Variants in CCPG1 observed in about 807,000 individuals in gnomAD.
CCPG1 encodes the protein cell cycle progression 1, also known as cell cycle progression protein 1.
CCPG1 carries 46 observed loss-of-function variants against 81.3 expected under a neutral mutation model. That is an observed-to-expected ratio of 0.57 (90% CI 0.45 to 0.72). The LOEUF (loss-of-function observed/expected upper bound fraction) is 0.72. Among genes scored for constraint, CCPG1 ranks in the 30% least tolerant of loss-of-function variants. CCPG1 has a pLI of 0.00. For synonymous variants in CCPG1, 330 were observed against 305.2 expected, an observed-to-expected ratio of 1.08 and a Z score of -0.85; for missense variants, 902 against 937.6, an observed-to-expected ratio of 0.96 and a Z score of 0.50.
intron 7 of CCPG1, among the ~76,000 whole-genome samples, chr15:55,364,636 A>G (rs931264995): frequency 4.0e-5 from 6 of 150,768 alleles, no homozygotes; most frequent in Non-Finnish European, 7.4e-5. Context: ...GCACTTTAGG[A>G]GACTGAGGTG....
At position 55,405,909 on chromosome 15, in the gene CCPG1, G is replaced by A. The variant is rs145018685; in HGVS notation, c.-10+2312C>T. 3.7e-3 allele frequency among the ~76,000 whole-genome samples: 570 copies of A among 152,320 alleles called. 3 individuals are homozygous for A. Among genetic ancestry groups the A allele is most frequent in the African/African-American group, 0.013 (556 of 41,570 alleles). ...TGAGACAGTCTCACTCTGTCACCCA[G>A]GCTAGAGTACAGTGGCATGATCTCG... is the stretch of plus-strand genomic sequence containing the variant. On this transcript the variant is annotated intron_variant, in intron 1 of 8. Coordinates refer to ENST00000442196, the MANE Select transcript of CCPG1 (RefSeq NM_001204450.2).
intron 1 of CCPG1, among the ~76,000 whole-genome samples, chr15:55,397,581 T>G (rs1051585632): frequency 7.2e-5 from 11 of 152,070 alleles, no homozygotes; most frequent in Admixed American, 2.0e-4. Flanking sequence ...CCTGATGTAT[T>G]GAATATGGGG....
At chr15:55,362,381 T>C (rs1443346422) in intron 7 of CCPG1, among the ~76,000 whole-genome samples, 1 of 151,288 alleles carries the variant, frequency 6.6e-6, no homozygotes, top group African/African-American at 2.4e-5. Context: ...GACACTAATA[T>C]ACACTTGAAA....
intron 3 of CCPG1, among the ~76,000 whole-genome samples, chr15:55,385,191 A>C (rs1408012374): frequency 6.6e-6 from 1 of 152,114 alleles, no homozygotes; most frequent in Non-Finnish European, 1.5e-5. Flanking sequence ...TTTTAAATGG[A>C]GTCTCACTCT....
At chr15:55,372,088 A>T in intron 5 of CCPG1, 44 bp from the exon 6 acceptor site, 1 of 1,573,696 alleles carries the variant, frequency 6.4e-7, no homozygotes, top group Non-Finnish European at 8.7e-7. Context: ...AAATCTTGGA[A>T]AAGCTTTCCC....
intron 8 of CCPG1, chr15:55,358,478 G>C: frequency 7.1e-6 from 7 of 985,410 alleles, no homozygotes; most frequent in South Asian, 9.4e-5. Context: ...TTCATGGTCT[G>C]CATCTCTTAT....
intron 3 of CCPG1, among the ~76,000 whole-genome samples, chr15:55,381,680 G>T (rs954995988): frequency 1.3e-5 from 2 of 152,162 alleles, no homozygotes; most frequent in Non-Finnish European, 1.5e-5. Flanking sequence ...TGTTCTGTAT[G>T]CATTTTACTG....
At chr15:55,378,057 T>C (rs1242798168) in intron 4 of CCPG1, among the ~76,000 whole-genome samples, 1 of 152,230 alleles carries the variant, frequency 6.6e-6, no homozygotes, top group Non-Finnish European at 1.5e-5. Context: ...AGTTTAATTT[T>C]TCAATATAAT....
rs1256623065 is a variant in CCPG1 at position 55,377,127 on chromosome 15, T to C, written c.276A>G (p.Glu92=). The C allele has an allele frequency of 1.9e-6, 3 of 1,612,632 alleles. No homozygotes were observed. Among genetic ancestry groups the C allele is most frequent in the East Asian group, 4.5e-5 (2 of 44,860 alleles). The change falls in exon 5 of 9, where the codon GAA becomes GAG. Residue 92 remains glutamate (E), a synonymous_variant. Transcript: ENST00000442196. ...TGGCAGTTCCAATATAGATACTGTC[T>C]TCGGGTATCTTTTGTTCCTCTGCCT... is the stretch of plus-strand genomic sequence containing the variant. ...TIEAEEQKIP[E]DSIYIGTASD...
intron 1 of CCPG1, among the ~76,000 whole-genome samples, chr15:55,402,086 T>C (rs753838408): frequency 4.6e-5 from 7 of 152,386 alleles, no homozygotes; most frequent in Non-Finnish European, 8.8e-5. Context: ...CCTGAATCTA[T>C]AGCACTTACT....
chr15:55,405,082 C>T (rs2057192137), intron 1 of CCPG1, among the ~76,000 whole-genome samples: 1 of 152,010 alleles, frequency 6.6e-6, no homozygotes, highest in Non-Finnish European at 1.5e-5. Context: ...AAAATTAGGT[C>T]AGGGGCAGTG....
Position 55,389,432 on chromosome 15 carries a change from G to C in CCPG1, c.-8C>G. 6.2e-7 allele frequency: 1 copy of C among 1,605,748 alleles called. No individual in the cohort carries two copies. The highest frequency in any genetic ancestry group is 1.1e-5 in the South Asian group (1 of 90,820). On this transcript the variant is annotated splice_region_variant and 5_prime_UTR_variant, in exon 2 of 9. Transcript: ENST00000442196. ...ACTGGAATTTTCAGACATCTTTCAG[G>C]TCTACAAATACAAAAACATATTGAC...
chr15:55,363,799 C>CTTTTTTTTTT (rs565044184), intron 7 of CCPG1, among the ~76,000 whole-genome samples: 50 of 93,934 alleles, frequency 5.3e-4, no homozygotes, highest in African/African-American at 1.5e-3. Flanking sequence ...TTTCCTTTTC[C>CTTTTTTTTTT]TTTTTTTTTT....
intron 6 of CCPG1, among the ~76,000 whole-genome samples, chr15:55,370,260 A>G (rs747857305): frequency 2.6e-5 from 4 of 152,328 alleles, no homozygotes; most frequent in African/African-American, 9.6e-5. Flanking sequence ...TAATTCTTCA[A>G]TCTTTGCATA....
intron 6 of CCPG1, among the ~76,000 whole-genome samples, chr15:55,367,159 A>T (rs181592197): frequency 8.5e-5 from 13 of 152,354 alleles, no homozygotes; most frequent in Non-Finnish European, 1.6e-4. Context: ...AAGCACGGCA[A>T]GCTTGTTTCA....
chr15:55,406,447 TTTGTTTTTTTTTTTTTG>T (rs2057224667), intron 1 of CCPG1, among the ~76,000 whole-genome samples: 1 of 132,588 alleles, frequency 7.5e-6, no homozygotes, highest in Non-Finnish European at 1.7e-5. Flanking sequence ...TTTTTTTTTT[TTTGTTTTTTTTTTTTTG>T]TTTTTTTGAG....
Position 55,355,355 on chromosome 15 carries a change from G to A in CCPG1, c.*865C>T, listed in dbSNP as rs1259418062. On this transcript the variant is annotated 3_prime_UTR_variant, in exon 9 of 9. Coordinates refer to ENST00000442196, the MANE Select transcript of CCPG1 (RefSeq NM_001204450.2). ...TGTTTTCTTCCACACTCACTTGCCAGAGGGTCGAATTGGAAGTCACATATA... is the reference window on the plus strand; with the variant it reads ...TGTTTTCTTCCACACTCACTTGCCAAAGGGTCGAATTGGAAGTCACATATA... 2 of 1,611,458 alleles carry A rather than the reference G, an allele frequency of 1.2e-6. No individual in the cohort carries two copies. The highest frequency in any genetic ancestry group is 1.7e-6 in the Non-Finnish European group (2 of 1,177,798).
chr15:55,379,463 G>A (rs980227550), intron 3 of CCPG1, among the ~76,000 whole-genome samples: 3 of 152,008 alleles, frequency 2.0e-5, no homozygotes, highest in African/African-American at 7.3e-5. Flanking sequence ...AGGAGTTGAG[G>A]CTGCAGTGAG....
chr15:55,361,389 G>C (rs1433972207), intron 7 of CCPG1, among the ~76,000 whole-genome samples: 1 of 151,722 alleles, frequency 6.6e-6, no homozygotes, highest in African/African-American at 2.4e-5. Flanking sequence ...TTCTGAATCA[G>C]GAAAAGAGAT....
Sources: allele counts gnomAD v4.1 joint callset (sites outside exome capture counted in the v4.1 genomes callset), GRCh38; gene constraint gnomAD v4.1.1; transcripts MANE v1.5; gene names NCBI Gene and HGNC (gene_info 2026-07-23, HGNC 2026-07-21).